FBXO16: variants seen among roughly 807,000 people sequenced by gnomAD.
FBXO16 encodes F-box only protein 16.
A neutral mutation model predicts 41.0 loss-of-function variants in FBXO16; 31 were observed. The observed-to-expected ratio is 0.76, with a 90% CI of 0.57 to 1.02. The LOEUF (loss-of-function observed/expected upper bound fraction) is 1.02. Ranked by LOEUF, FBXO16 falls within the 50% of genes least tolerant of loss-of-function variation. The pLI, the probability that FBXO16 is intolerant of heterozygous loss-of-function variation, is 0.00. For synonymous variants in FBXO16, 133 were observed against 117.8 expected, an observed-to-expected ratio of 1.13 and a Z score of -0.84; for missense variants, 361 against 346.2, an observed-to-expected ratio of 1.04 and a Z score of -0.34.
At chr8:28,450,870 C>T (rs62502419) in intron 6 of FBXO16, among the ~76,000 whole-genome samples, 13,401 of 151,996 alleles carry the variant, frequency 0.088, 1,114 homozygotes, top group African/African-American at 0.22. Context: ...TGAGTCTGAT[C>T]GCTTGAGTCT....
At chr8:28,436,563 T>A (rs1325891370) in intron 7 of FBXO16, among the ~76,000 whole-genome samples, 1 of 152,282 alleles carries the variant, frequency 6.6e-6, no homozygotes, top group East Asian at 1.9e-4. Context: ...TGTGACTACA[T>A]CTTTCAGCCT....
chr8:28,474,389 GA>G (rs1803390542), intron 2 of FBXO16, among the ~76,000 whole-genome samples: 1 of 85,052 alleles, frequency 1.2e-5, no homozygotes, highest in South Asian at 3.7e-4. Context: ...TGAAAGAAAA[GA>G]AAAGAAAAAA....
intron 5 of FBXO16, chr8:28,455,983 T>C (rs1344430670): frequency 6.6e-6 from 1 of 152,158 alleles, no homozygotes; most frequent in African/African-American, 2.4e-5. Context: ...TTCACAAGCT[T>C]TAATACCCCT....
At chr8:28,461,864 T>C (rs1379679067) in intron 4 of FBXO16, among the ~76,000 whole-genome samples, 1 of 151,790 alleles carries the variant, frequency 6.6e-6, no homozygotes, top group Non-Finnish European at 1.5e-5. Context: ...TAGTTTCCTT[T>C]GGTTTTATCT....
chr8:28,479,479 G>A (rs895136159), intron 2 of FBXO16, among the ~76,000 whole-genome samples: 5 of 152,226 alleles, frequency 3.3e-5, no homozygotes, highest in South Asian at 2.1e-4. Context: ...ATCAAGACTC[G>A]TAATTTTTCG....
At chr8:28,462,949 G>A (rs1359915144) in intron 4 of FBXO16, among the ~76,000 whole-genome samples, 2 of 152,142 alleles carry the variant, frequency 1.3e-5, no homozygotes, top group Admixed American at 6.5e-5. Flanking sequence ...GTATAAGACC[G>A]TCCTGCTGAT....
intron 3 of FBXO16, chr8:28,465,150 A>G (rs1803213948): frequency 6.3e-6 from 1 of 157,660 alleles, no homozygotes; most frequent in South Asian, 1.7e-4. Context: ...TCAACTTGAT[A>G]TATATTTTTT....
intron 3 of FBXO16, among the ~76,000 whole-genome samples, chr8:28,472,925 T>C (rs946171853): frequency 6.6e-6 from 1 of 152,186 alleles, no homozygotes; most frequent in Non-Finnish European, 1.5e-5. Flanking sequence ...ACAGTAGCTG[T>C]TGATTCCAAG....
At chr8:28,435,425 C>A (rs1421508156) in intron 7 of FBXO16, among the ~76,000 whole-genome samples, 1 of 152,054 alleles carries the variant, frequency 6.6e-6, no homozygotes, top group South Asian at 2.1e-4. Context: ...CTGCCCACCT[C>A]GGCCTCCCAA....
chr8:28,462,766 C>T (rs1803158592), intron 4 of FBXO16, among the ~76,000 whole-genome samples: 1 of 152,100 alleles, frequency 6.6e-6, no homozygotes, highest in African/African-American at 2.4e-5. Flanking sequence ...AAGAAAAAAA[C>T]AGAACAATCA....
chr8:28,458,919 C>T (rs901231594), intron 4 of FBXO16, among the ~76,000 whole-genome samples: 1 of 152,148 alleles, frequency 6.6e-6, no homozygotes, highest in African/African-American at 2.4e-5. Context: ...AGACACAATT[C>T]CTCCACAACC....
intron 1 of FBXO16, among the ~76,000 whole-genome samples, chr8:28,486,702 G>A (rs576730734): frequency 3.9e-5 from 6 of 151,974 alleles, no homozygotes; most frequent in South Asian, 2.1e-4. Context: ...AGTGGTGCAC[G>A]CCTGTGGTCC....
In FBXO16 at chr8:28,485,227, C is replaced by G. The variant is rs548703688; in HGVS notation, c.-16-1765G>C. 2.0e-5 allele frequency among the ~76,000 whole-genome samples: 3 copies of G among 152,308 alleles called. No individual in the cohort carries two copies. The East Asian group carries it at 5.8e-4, about 29-fold the overall frequency. On this transcript the variant is annotated intron_variant, in intron 1 of 8. Transcript: ENST00000380254. ...TTGCCCTGTTTCCCAGGCTGCCGTACAGTGGTGCAGACATGGCTCACTGCA... is the reference window on the plus strand; with the variant it reads ...TTGCCCTGTTTCCCAGGCTGCCGTAGAGTGGTGCAGACATGGCTCACTGCA...
intron 7 of FBXO16, among the ~76,000 whole-genome samples, chr8:28,430,166 G>A (rs1802585901): frequency 6.6e-6 from 1 of 152,250 alleles, no homozygotes; most frequent in African/African-American, 2.4e-5. Context: ...TTGACCTCCT[G>A]GGTTCAAGCA....
At chr8:28,464,269 G>A (rs559955215) in intron 3 of FBXO16, among the ~76,000 whole-genome samples, 5 of 152,328 alleles carry the variant, frequency 3.3e-5, no homozygotes, top group Admixed American at 1.3e-4. Context: ...CCCTCAGAAG[G>A]AAAGTATATT....
At chr8:28,444,097 G>A (rs1802822603) in intron 7 of FBXO16, among the ~76,000 whole-genome samples, 1 of 152,016 alleles carries the variant, frequency 6.6e-6, no homozygotes, top group African/African-American at 2.4e-5. Flanking sequence ...CTGGGGGTCT[G>A]GATCCAGACC....
intron 6 of FBXO16, among the ~76,000 whole-genome samples, chr8:28,449,969 C>CA (rs146418264): frequency 0.47 from 46,942 of 100,302 alleles, 9,617 homozygotes; most frequent in East Asian, 0.61. Context: ...AAGACTGTCT[C>CA]AAAAAAAAAA....
At chr8:28,482,868 C>T (rs531980852) in intron 2 of FBXO16, among the ~76,000 whole-genome samples, 58 of 152,136 alleles carry the variant, frequency 3.8e-4, no homozygotes, top group East Asian at 1.4e-3. Context: ...CATGAGCCAC[C>T]GCACCCAGCC....
intron 3 of FBXO16, among the ~76,000 whole-genome samples, chr8:28,466,180 G>A (rs752506224): frequency 8.6e-5 from 13 of 151,882 alleles, no homozygotes; most frequent in Non-Finnish European, 1.3e-4. Flanking sequence ...CGGAGGTTGC[G>A]GAGTGCTATT....
Sources: gnomAD v4.1 joint callset for allele counts (sites outside exome capture counted in the v4.1 genomes callset) on GRCh38, gnomAD v4.1.1 for gene constraint, MANE v1.5 for transcripts, NCBI Gene and HGNC (gene_info 2026-07-23, HGNC 2026-07-21) for gene names.